RNF17: variants seen among roughly 807,000 people sequenced by gnomAD.
RNF17 encodes the protein ring finger protein 17.
A neutral mutation model predicts 200.5 loss-of-function variants in RNF17; 31 were observed. The ratio of observed to expected loss-of-function variants is 0.15; its 90% confidence interval spans 0.12 to 0.21. The LOEUF (loss-of-function observed/expected upper bound fraction) is 0.21. Ranked by LOEUF, RNF17 falls within the 10% of genes least tolerant of loss-of-function variation. The probability of loss-of-function intolerance (pLI) is 1.00; values close to 1 mark genes in which losing one functional copy is unlikely to be tolerated. For synonymous variants in RNF17, 606 were observed against 637.8 expected (o/e 0.95, Z 0.75); for missense variants, 1,628 against 1,905.1 (o/e 0.85, Z 2.71).
chr13:24,876,643 T>C (rs1263993843), intron 33 of RNF17, among the ~76,000 whole-genome samples: 1 of 151,386 alleles, frequency 6.6e-6, no homozygotes, highest in African/African-American at 2.4e-5. Flanking sequence ...AGTCTCACTT[T>C]GGATTTGACT....
chr13:24,885,349 A>C, the RNF17 span: 1 of 1,613,986 alleles, frequency 6.2e-7, no homozygotes, highest in Non-Finnish European at 8.5e-7. Flanking sequence ...AGGATCTGGG[A>C]AGTTCAGTGG....
In RNF17 at chr13:24,859,069, T is replaced by C. The variant is rs1300948567; in HGVS notation, c.3679T>C (p.Tyr1227His). The C allele has an allele frequency of 1.4e-5, 22 of 1,611,662 alleles. No homozygotes were observed. The highest frequency in any genetic ancestry group is 1.8e-5 in the Non-Finnish European group (21 of 1,178,168). The change falls in exon 26 of 36, where the codon TAT (tyrosine) becomes CAT (histidine). Residue 1227 changes from tyrosine to histidine, a missense_variant. By Grantham distance (83) the Tyr-to-His change is moderately conservative (BLOSUM62 2). Around this residue, in one of 5 missense-constraint regions of RNF17, gnomAD observed 609 missense variants for 681.9 expected, o/e 0.89. Coordinates refer to ENST00000255324, the MANE Select transcript of RNF17 (RefSeq NM_031277.3). ...NLKCLGLLEP[Y>H]FWKKGEACAV... Reference sequence around the variant, plus strand: ...AAAATGCCTTGGTCTTTTGGAGCCTTATTTCTGGAAAAAAGGAGAAGCATG... The same window carrying C: ...AAAATGCCTTGGTCTTTTGGAGCCTCATTTCTGGAAAAAAGGAGAAGCATG...
rs148441819 is a variant in RNF17, at chr13:24,830,558, G to A, written c.2320G>A (p.Val774Met). 6.1e-4 allele frequency: 975 copies of A among 1,611,418 alleles called. 1 individual carries two copies. Among genetic ancestry groups the A allele is most frequent in the Admixed American group, 1.6e-3 (97 of 59,672 alleles). Residue 774 changes from valine (V) to methionine (M), a missense_variant, in exon 17 of 36, where the codon GTG becomes ATG. Physicochemically the swap from Val to Met is conservative, Grantham distance 21. Around this residue, in one of 5 missense-constraint regions of RNF17, gnomAD observed 227 missense variants for 319.8 expected, o/e 0.71. Transcript: ENST00000255324. ...GNTAKITIKD[V>M]RKIKDEFLNA... ...TACTGCAAAAATAACAATCAAAGAC[G>A]TGCGTAAAATAAAGGATGAGTTTCT... is the stretch of plus-strand genomic sequence containing the variant.
At chr13:24,887,735 C>T in the RNF17 span, among the ~76,000 whole-genome samples, 1 of 152,102 alleles carries the variant, frequency 6.6e-6, no homozygotes, top group South Asian at 2.1e-4. Flanking sequence ...AAAGCCATGC[C>T]CCTTACCCCA....
chr13:24,826,590 A>G (rs898605999), intron 16 of RNF17, among the ~76,000 whole-genome samples: 5 of 152,166 alleles, frequency 3.3e-5, no homozygotes, highest in Admixed American at 2.6e-4. Flanking sequence ...CCTGGCCAAC[A>G]TGACAAAACC....
At chr13:24,859,226 G>A in intron 26 of RNF17, 62 bp downstream of exon 26, 1 of 1,234,256 alleles carries the variant, frequency 8.1e-7, no homozygotes, top group Non-Finnish European at 1.1e-6. Flanking sequence ...AAATAGTCTT[G>A]TGCATTTGAA....
At chr13:24,883,935 T>C, downstream of RNF17, 4 of 1,613,880 alleles carry the variant, frequency 2.5e-6, no homozygotes, top group Non-Finnish European at 3.4e-6. Flanking sequence ...CACTGAGTGG[T>C]TTTTCTGTGA....
intron 27 of RNF17, among the ~76,000 whole-genome samples, chr13:24,862,136 G>A (rs903706368): frequency 8.5e-5 from 13 of 152,156 alleles, no homozygotes; most frequent in Admixed American, 6.5e-4. Flanking sequence ...CTCGACACAT[G>A]GGGATTACAA....
intron 6 of RNF17, among the ~76,000 whole-genome samples, chr13:24,784,770 G>A (rs576862968): frequency 6.6e-6 from 1 of 151,980 alleles, no homozygotes; most frequent in East Asian, 1.9e-4. Context: ...GCAGTGGCGC[G>A]ACCTCGGCTC....
At chr13:24,825,871 A>G in intron 16 of RNF17, 99 bp downstream of exon 16, 2 of 1,436,388 alleles carry the variant, frequency 1.4e-6, no homozygotes, top group South Asian at 1.5e-5. Context: ...ATGTTATTTG[A>G]TCTTATCATT....
intron 2 of RNF17, among the ~76,000 whole-genome samples, chr13:24,774,299 C>T (rs1005457071): frequency 2.6e-5 from 4 of 152,036 alleles, no homozygotes; most frequent in African/African-American, 4.8e-5. Context: ...CGCTCTGCCT[C>T]GCCAGGTTCA....
chr13:24,763,339 A>G (rs1878994501), upstream of RNF17, among the ~76,000 whole-genome samples: 1 of 148,942 alleles, frequency 6.7e-6, no homozygotes, highest in South Asian at 2.1e-4. Context: ...AGTAGCTGGA[A>G]CTACAGGCGC....
chr13:24,792,899 A>G (rs1279649897), intron 9 of RNF17, 143 bp from the exon 10 acceptor site: 6 of 572,814 alleles, frequency 1.0e-5, no homozygotes, highest in Non-Finnish European at 1.8e-5. Flanking sequence ...ATGGATAAAT[A>G]ACTGGCAGTG....
In RNF17 at chr13:24,799,401, G is replaced by A; in HGVS notation, c.1406G>A (p.Arg469Lys). Residue 469 changes from arginine to lysine, a missense_variant, in exon 12 of 36, where the codon AGA (arginine) becomes AAA (lysine). Physicochemically the swap from Arg to Lys is conservative, Grantham distance 26. Transcript: ENST00000255324. The part of the protein sequence containing the change: ...DPSDILELGA[R>K]IFVSSIKNGM... ...TGTTTCCCTCATTATTTAGGTGCAA[G>A]AATATTTGTCAGCAGTATTAAAAAT... is the stretch of plus-strand genomic sequence containing the variant. The A allele has an allele frequency of 6.2e-7, 1 of 1,604,840 alleles. No individual in the cohort carries two copies. Among genetic ancestry groups the A allele is most frequent in the Non-Finnish European group, 8.5e-7 (1 of 1,175,630 alleles).
downstream of RNF17, among the ~76,000 whole-genome samples, chr13:24,880,156 TCC>T (rs71218561): frequency 0.27 from 40,608 of 152,066 alleles, 6,081 homozygotes; most frequent in Admixed American, 0.37. Flanking sequence ...TTGACTCAGT[TCC>T]ACATGGCTGG....
At position 24,868,702 on chromosome 13, in the gene RNF17, G is replaced by T. The variant is rs927427439; in HGVS notation, c.4264G>T (p.Val1422Phe). 3.2e-5 allele frequency: 49 copies of T among 1,543,332 alleles called. No homozygotes were observed. Among genetic ancestry groups the T allele is most frequent in the Non-Finnish European group, 4.1e-5 (46 of 1,116,208 alleles). ...CTATGCTGTTCAAGTTAAGCACGTT[G>T]TCTCACCTAATGAAGTATGTGATCT... ...ELYAVQVKHV[V>F]SPNEVYICLD... Residue 1422 changes from valine to phenylalanine, a missense_variant, in exon 31 of 36, where the codon GTC becomes TTC. Physicochemically the swap from Val to Phe is conservative, Grantham distance 50. This residue lies in a region of RNF17 where 609 missense variants were observed against 681.9 expected (regional missense o/e 0.89). Transcript: ENST00000255324.
chr13:24,818,841 C>T (rs1005853843), intron 15 of RNF17, among the ~76,000 whole-genome samples: 1 of 151,714 alleles, frequency 6.6e-6, no homozygotes, highest in African/African-American at 2.4e-5. Flanking sequence ...TTAATTCTGC[C>T]AATCTTTGTC....
Position 24,850,460 on chromosome 13 carries a change from G to A in RNF17, c.3204+17G>A. 7.1e-7 allele frequency: 1 copy of A among 1,407,186 alleles called. No homozygotes were observed. Among genetic ancestry groups the A allele is most frequent in the Middle Eastern group, 1.8e-4 (1 of 5,456 alleles). The allele number at this position is 1,407,186 out of a possible 1,614,324, so 87.2% of individuals were successfully genotyped here. ...GATAGTGAGGTAACAAGTTACAAGA[G>A]ATATGTGCTGATGATCTCATTAATG... is the stretch of plus-strand genomic sequence containing the variant. On this transcript the variant is annotated intron_variant, in intron 23 of 35. Transcript: ENST00000255324.
chr13:24,805,030 T>G (rs1255149538), intron 15 of RNF17, among the ~76,000 whole-genome samples: 1 of 152,126 alleles, frequency 6.6e-6, no homozygotes, highest in East Asian at 1.9e-4. Context: ...TGAAGCATCT[T>G]GCCCAAGATC....
Sources: gnomAD v4.1 joint callset for allele counts (sites outside exome capture counted in the v4.1 genomes callset) on GRCh38, gnomAD v4.1.1 for gene constraint, gnomAD v4.1.1 regional missense constraint, MANE v1.5 for transcripts, NCBI Gene and HGNC (gene_info 2026-07-23, HGNC 2026-07-21) for gene names.